GRIN2D: variants seen among roughly 807,000 people sequenced by gnomAD.
The protein encoded by GRIN2D is glutamate ionotropic receptor NMDA type subunit 2D.
A neutral mutation model predicts 103.2 loss-of-function variants in GRIN2D; 37 were observed. The observed-to-expected ratio is 0.36, with a 90% confidence interval of 0.28 to 0.47. GRIN2D has a LOEUF of 0.47. Among genes scored for constraint, GRIN2D ranks in the 20% least tolerant of loss-of-function variants. The pLI is 1.00. For synonymous variants in GRIN2D, 845 were observed against 885.6 expected (o/e 0.95, Z 0.81); for missense variants, 1,557 against 1,910.6 (o/e 0.81, Z 3.45).
At chr19:48,424,671 T>A (rs1271717614) in intron 11 of GRIN2D, among the ~76,000 whole-genome samples, 1 of 152,144 alleles carries the variant, frequency 6.6e-6, no homozygotes, top group Non-Finnish European at 1.5e-5. Flanking sequence ...ATAATTTTTT[T>A]CCCCACACGC....
intron 11 of GRIN2D, among the ~76,000 whole-genome samples, chr19:48,424,019 A>G (rs570562707): frequency 1.6e-4 from 24 of 152,084 alleles, no homozygotes; most frequent in African/African-American, 5.5e-4. Context: ...AGGTTTCACC[A>G]TGTTGGTCAG....
At chr19:48,439,747 C>T (rs1279433026) in intron 11 of GRIN2D, among the ~76,000 whole-genome samples, 1 of 152,208 alleles carries the variant, frequency 6.6e-6, no homozygotes, top group Non-Finnish European at 1.5e-5. Context: ...AGTTTGAGAC[C>T]AGCCTGACCA....
intron 11 of GRIN2D, among the ~76,000 whole-genome samples, chr19:48,428,932 C>T (rs1327808942): frequency 1.3e-5 from 2 of 152,126 alleles, no homozygotes; most frequent in African/African-American, 4.8e-5. Context: ...AGGACTGGAA[C>T]CCTGGCAGCC....
intron 10 of GRIN2D, 34 bp downstream of exon 10, chr19:48,419,848 G>A: frequency 6.7e-7 from 1 of 1,482,594 alleles, no homozygotes; most frequent in Non-Finnish European, 9.4e-7. Flanking sequence ...CTGGAGCTGG[G>A]GCTGGGGCTG....
rs377367014 is a variant in GRIN2D at position 48,404,399 on chromosome 19, A to C, written c.466-335A>C. On this transcript the variant is annotated intron_variant, in intron 3 of 13. Transcript: ENST00000263269. Reference sequence around the variant, plus strand: ...AAGGTTTTATTAGGCTGGGCACGGCAGGAGAATCACTTGAACCCAGGAGGC... The same window carrying C: ...AAGGTTTTATTAGGCTGGGCACGGCCGGAGAATCACTTGAACCCAGGAGGC... Among the ~76,000 whole-genome samples, 55 of 152,224 alleles carry C rather than the reference A, an allele frequency of 3.6e-4. No individual in the cohort carries two copies. In the South Asian group the frequency reaches 0.011, roughly 30 times the overall value.
chr19:48,438,306 TTTTTTTTTTTG>T (rs1971255036), intron 11 of GRIN2D, among the ~76,000 whole-genome samples: 2 of 134,816 alleles, frequency 1.5e-5, no homozygotes, highest in African/African-American at 5.7e-5. Context: ...TTTTTTTTTT[TTTTTTTTTTTG>T]AGACGGAGTC....
Position 48,435,585 on chromosome 19 carries a change from C to T in GRIN2D, c.2253-6184C>T, listed in dbSNP as rs184366326. 8.5e-5 allele frequency among the ~76,000 whole-genome samples: 13 copies of T among 152,304 alleles called. No individual in the cohort carries two copies. In the East Asian group the frequency reaches 2.3e-3, roughly 27 times the overall value. On this transcript the variant is annotated intron_variant, in intron 11 of 13. Transcript: ENST00000263269. ...TCAGCCTCCCGAGTGGCTGAGATTACAGGCACATGCCACCACACCCGGCTA... is the reference window on the plus strand; with the variant it reads ...TCAGCCTCCCGAGTGGCTGAGATTATAGGCACATGCCACCACACCCGGCTA...
At chr19:48,402,499 T>C (rs568622450) in intron 3 of GRIN2D, among the ~76,000 whole-genome samples, 3 of 149,818 alleles carry the variant, frequency 2.0e-5, no homozygotes, top group South Asian at 2.1e-4. Flanking sequence ...GGGTGGATCA[T>C]GAGGTCAGGA....
In GRIN2D at chr19:48,405,827, C is replaced by G. The variant is rs934433128; in HGVS notation, c.1085+474C>G. ...TCACGTAACAACCCTGATAAGGAGACTGCTGTTCCATGTGATCATTCAGGG... is the reference window on the plus strand; with the variant it reads ...TCACGTAACAACCCTGATAAGGAGAGTGCTGTTCCATGTGATCATTCAGGG... On this transcript the variant is annotated intron_variant, in intron 4 of 13. Coordinates refer to ENST00000263269, the MANE Select transcript of GRIN2D (RefSeq NM_000836.4). This position sits in a 1 kb window ranked among gnomAD's most constrained non-coding sequence, Gnocchi z 5.1. Among the ~76,000 whole-genome samples, 53 of 152,318 alleles carry G rather than the reference C, an allele frequency of 3.5e-4. No individual in the cohort carries two copies. The highest frequency in any genetic ancestry group is 1.3e-3 in the African/African-American group (52 of 41,588).
At chr19:48,422,856 C>T (rs574966747) in intron 11 of GRIN2D, among the ~76,000 whole-genome samples, 39 of 152,160 alleles carry the variant, frequency 2.6e-4, no homozygotes, top group African/African-American at 9.4e-4. Flanking sequence ...CTTTGTGAGG[C>T]GGAGACGGGC....
At position 48,405,458 on chromosome 19, in the gene GRIN2D, C is replaced by A. The variant is rs1239554692; in HGVS notation, c.1085+105C>A. The A allele has an allele frequency of 1.7e-6, 2 of 1,180,218 alleles. No homozygotes were observed. Among genetic ancestry groups the A allele is most frequent in the Non-Finnish European group, 1.1e-6 (1 of 882,472 alleles). 73.1% of individuals were successfully genotyped at this position (1,180,218 alleles called of 1,614,324 possible). A position where few individuals can be genotyped will look rare whatever the true frequency, so the allele number is the denominator to read the frequency against. On this transcript the variant is annotated intron_variant, in intron 4 of 13. Coordinates refer to ENST00000263269, the MANE Select transcript of GRIN2D (RefSeq NM_000836.4). The surrounding 1 kb of genome is among the most constrained non-coding windows in gnomAD (Gnocchi z 5.1). ...AAATGGGCCACATCTGCTCTTTGAG[C>A]CTCAGTTTTCTTTTCTGTAAAGTGG...
intron 11 of GRIN2D, among the ~76,000 whole-genome samples, chr19:48,424,717 A>G (rs1240486630): frequency 5.3e-5 from 8 of 152,178 alleles, no homozygotes; most frequent in Non-Finnish European, 7.3e-5. Context: ...CACTCACAGC[A>G]CATCTAGGTT....
At chr19:48,399,768 TAG>T (rs910820080) in intron 3 of GRIN2D, among the ~76,000 whole-genome samples, 2 of 148,924 alleles carry the variant, frequency 1.3e-5, no homozygotes, top group African/African-American at 5.0e-5. Flanking sequence ...GAAGAGTCAT[TAG>T]AGAGAGGAGG....
Position 48,415,989 on chromosome 19 carries a change from G to GC in GRIN2D, c.1582-8dup. ...CGGGTTCCCCCGCCCACTCCTCATC[G>GC]CCCCCACCCCAGGTGTTCTACCAGC... On this transcript the variant is annotated splice_polypyrimidine_tract_variant and intron_variant, in intron 7 of 13. Transcript: ENST00000263269. 6.2e-7 allele frequency: 1 copy of GC among 1,610,020 alleles called. No individual in the cohort carries two copies.
At chr19:48,438,413 C>T (rs1569072984) in intron 11 of GRIN2D, among the ~76,000 whole-genome samples, 1 of 149,856 alleles carries the variant, frequency 6.7e-6, no homozygotes, top group Non-Finnish European at 1.5e-5. Flanking sequence ...ATTCTCTTGC[C>T]TCAGCCTCCT....
chr19:48,414,169 G>A lies in GRIN2D; in HGVS notation c.1200+64G>A, dbSNP rs528324279. The A allele has an allele frequency of 1.1e-5, 12 of 1,052,086 alleles. No individual in the cohort carries two copies. Among genetic ancestry groups the A allele is most frequent in the Non-Finnish European group, 1.6e-5 (11 of 680,300 alleles). The allele number at this position is 1,052,086 out of a possible 1,614,324, so 65.2% of individuals were successfully genotyped here. On this transcript the variant is annotated intron_variant, in intron 5 of 13. Coordinates refer to ENST00000263269, the MANE Select transcript of GRIN2D (RefSeq NM_000836.4). This position sits in a 1 kb window ranked among gnomAD's most constrained non-coding sequence, Gnocchi z 4.6. ...GTGGACTCCTGCATCCTGGCAGAGG[G>A]GGGGCTTGAGGTCGTGGACTAAGAG...
chr19:48,419,782 G>A lies in GRIN2D; in HGVS notation c.2059G>A (p.Val687Met). The A allele has an allele frequency of 1.9e-6, 3 of 1,613,554 alleles. No individual in the cohort carries two copies. In the South Asian group the frequency reaches 3.3e-5, roughly 18 times the overall value. ...CGCCTTCATGATCCAGGAGGAGTAC[G>A]TGGATACTGTGTCTGGGCTCAGTGA... ...LAAFMIQEEY[V>M]DTVSGLSDRK... The change falls in exon 10 of 14, where the codon GTG (valine) becomes ATG (methionine). Residue 687 changes from valine (V) to methionine (M), a missense_variant. Physicochemically the swap from Val to Met is conservative, Grantham distance 21 (BLOSUM62 1). This residue lies in a region of GRIN2D where 138 missense variants were observed against 270.2 expected (regional missense o/e 0.51). Transcript: ENST00000263269.
chr19:48,410,994 C>A (rs1417507506), intron 4 of GRIN2D, among the ~76,000 whole-genome samples: 2 of 152,060 alleles, frequency 1.3e-5, no homozygotes, highest in African/African-American at 4.8e-5. Context: ...CATCCCCAGC[C>A]CTGGGCACTT....
At chr19:48,415,598 G>C (rs1489360560) in intron 7 of GRIN2D, among the ~76,000 whole-genome samples, 1 of 143,392 alleles carries the variant, frequency 7.0e-6, no homozygotes, top group South Asian at 2.3e-4. Flanking sequence ...GCTGGGAGGA[G>C]GGACTTTGGG....
Sources: gnomAD v4.1 joint callset for allele counts (sites outside exome capture counted in the v4.1 genomes callset) on GRCh38, gnomAD v4.1.1 for gene constraint, gnomAD v4.1.1 regional missense constraint, Gnocchi (gnomAD v3.1) non-coding constraint, MANE v1.5 for transcripts, NCBI Gene and HGNC (gene_info 2026-07-23, HGNC 2026-07-21) for gene names.